BMPR1B: variants seen among roughly 807,000 people sequenced by gnomAD.
The protein encoded by BMPR1B is bone morphogenetic protein receptor type-1B.
Under a neutral mutation model 59.1 loss-of-function variants are expected in BMPR1B, and 12 were observed. The observed-to-expected ratio is 0.20, with a 90% confidence interval of 0.13 to 0.33. BMPR1B has a LOEUF of 0.33. BMPR1B is among the 10% of genes least tolerant of loss of function. The probability of loss-of-function intolerance (pLI) is 1.00; values close to 1 mark genes in which losing one functional copy is unlikely to be tolerated. For missense variants in BMPR1B, 550 were observed against 610.9 expected (o/e 0.90, Z 1.05); for synonymous variants, 237 against 207.3 (o/e 1.14, Z -1.23).
rs115179429 is a variant in BMPR1B, at chr4:94,888,851, T to C, written c.-113+12951T>C. ...AATGCTATTAATGATATACTTCTAA[T>C]ATATCATGATATATCATAATGATAT... On this transcript the variant is annotated intron_variant, in intron 2 of 12. Transcript: ENST00000515059. Among the ~76,000 whole-genome samples the C allele has an allele frequency of 6.8e-3, 1,032 of 152,176 alleles. 12 individuals carry two copies. Among genetic ancestry groups the C allele is most frequent in the African/African-American group, 0.023 (965 of 41,562 alleles).
chr4:94,916,773 A>C (rs1728498931), intron 2 of BMPR1B, among the ~76,000 whole-genome samples: 1 of 152,224 alleles, frequency 6.6e-6, no homozygotes, highest in Admixed American at 6.5e-5. Flanking sequence ...TTTGCATAAC[A>C]AAAAAGCCAA....
At chr4:94,808,041 A>G (rs984896195) in intron 1 of BMPR1B, among the ~76,000 whole-genome samples, 9 of 152,304 alleles carry the variant, frequency 5.9e-5, no homozygotes, top group East Asian at 1.9e-4. Context: ...GCAACATTGT[A>G]CTTAAAATAT....
chr4:95,144,482 T>A (rs1467498178), intron 10 of BMPR1B, among the ~76,000 whole-genome samples: 2 of 43,348 alleles, frequency 4.6e-5, no homozygotes, highest in African/African-American at 1.0e-4. Context: ...CCAGGCCTTT[T>A]TTTTTTTTAA....
intron 3 of BMPR1B, among the ~76,000 whole-genome samples, chr4:95,009,632 C>T (rs879264151): frequency 1.3e-5 from 2 of 152,100 alleles, no homozygotes; most frequent in Admixed American, 6.6e-5. Flanking sequence ...ATTTAAGACA[C>T]AGTTAAGGAG....
At chr4:94,932,281 A>G (rs1386179303) in intron 2 of BMPR1B, among the ~76,000 whole-genome samples, 1 of 152,138 alleles carries the variant, frequency 6.6e-6, no homozygotes, top group Non-Finnish European at 1.5e-5. Flanking sequence ...AAGAAAAACT[A>G]CACATGGGGA....
chr4:94,840,363 A>C (rs1437981837), intron 1 of BMPR1B, among the ~76,000 whole-genome samples: 1 of 148,214 alleles, frequency 6.7e-6, no homozygotes, highest in Non-Finnish European at 1.5e-5. Flanking sequence ...GTGTTTTTCA[A>C]CTTGGTTCCA....
chr4:94,898,482 CTCATGAGA>C (rs1389396418), intron 2 of BMPR1B, among the ~76,000 whole-genome samples: 1 of 151,958 alleles, frequency 6.6e-6, no homozygotes, highest in Non-Finnish European at 1.5e-5. Flanking sequence ...CGAGAGACTT[CTCATGAGA>C]TCTGATGGTT....
chr4:94,994,332 T>A (rs902404711), intron 2 of BMPR1B, among the ~76,000 whole-genome samples: 1 of 152,330 alleles, frequency 6.6e-6, no homozygotes, highest in South Asian at 2.1e-4. Context: ...TGTGTTGTGC[T>A]CTTTCCTGCC....
chr4:95,146,944 A>G (rs1478559060), intron 10 of BMPR1B, among the ~76,000 whole-genome samples: 1 of 152,156 alleles, frequency 6.6e-6, no homozygotes, highest in African/African-American at 2.4e-5. Flanking sequence ...ACAAATGACA[A>G]TTTTCTATTA....
At chr4:94,966,123 T>C (rs17022709) in intron 2 of BMPR1B, among the ~76,000 whole-genome samples, 6,499 of 152,248 alleles carry the variant, frequency 0.043, 348 homozygotes, top group African/African-American at 0.12. Context: ...GTTGTATCTT[T>C]CTCACCACAT....
intron 3 of BMPR1B, chr4:95,103,419 T>A: frequency 2.0e-6 from 2 of 982,700 alleles, no homozygotes; most frequent in Non-Finnish European, 2.4e-6. Context: ...CTAAATGTGT[T>A]ATGAGAGAGA....
chr4:94,860,345 A>C (rs1725930332), intron 1 of BMPR1B, among the ~76,000 whole-genome samples: 1 of 152,190 alleles, frequency 6.6e-6, no homozygotes, highest in Non-Finnish European at 1.5e-5. Context: ...GATGTTGAGT[A>C]AATACTGTTT....
intron 2 of BMPR1B, among the ~76,000 whole-genome samples, chr4:94,979,831 G>T (rs186492620): frequency 6.6e-6 from 1 of 152,176 alleles, no homozygotes; most frequent in South Asian, 2.1e-4. Flanking sequence ...TGTGGGCCAC[G>T]TGTGCTTTGG....
intron 1 of BMPR1B, among the ~76,000 whole-genome samples, chr4:94,827,403 A>C (rs1278461770): frequency 3.9e-5 from 6 of 152,106 alleles, no homozygotes; most frequent in Admixed American, 3.9e-4. Flanking sequence ...ATGTATATAA[A>C]GTGTATATAA....
At chr4:94,759,811 T>G (rs1053963622) in intron 1 of BMPR1B, among the ~76,000 whole-genome samples, 5 of 152,256 alleles carry the variant, frequency 3.3e-5, no homozygotes, top group Non-Finnish European at 7.3e-5. Context: ...CACACTTAGA[T>G]CATTGTGCAA....
chr4:95,146,076 T>G (rs1734620885), intron 10 of BMPR1B, among the ~76,000 whole-genome samples: 1 of 152,240 alleles, frequency 6.6e-6, no homozygotes, highest in Non-Finnish European at 1.5e-5. Flanking sequence ...ATATACCAAA[T>G]GACTATGACA....
intron 2 of BMPR1B, among the ~76,000 whole-genome samples, chr4:94,983,024 C>G (rs1196398656): frequency 6.6e-6 from 1 of 151,740 alleles, no homozygotes; most frequent in Non-Finnish European, 1.5e-5. Context: ...AAAATTGTCA[C>G]CTGAATACTA....
chr4:94,927,082 C>T (rs1728917856), intron 2 of BMPR1B, among the ~76,000 whole-genome samples: 1 of 152,116 alleles, frequency 6.6e-6, no homozygotes, highest in Non-Finnish European at 1.5e-5. Context: ...ATGATCTGGA[C>T]ACAACTAGTG....
intron 1 of BMPR1B, among the ~76,000 whole-genome samples, chr4:94,759,691 A>G (rs1721682244): frequency 6.6e-6 from 1 of 152,252 alleles, no homozygotes; most frequent in Non-Finnish European, 1.5e-5. Flanking sequence ...AGGATTCGTC[A>G]GTAATTTTAA....
Sources: allele counts gnomAD v4.1 joint callset (sites outside exome capture counted in the v4.1 genomes callset), GRCh38; gene constraint gnomAD v4.1.1; transcripts MANE v1.5; gene names NCBI Gene and HGNC (gene_info 2026-07-23, HGNC 2026-07-21).